Variants in STK35 observed in about 807,000 individuals in gnomAD.
The protein encoded by STK35 is serine/threonine kinase 35.
Under a neutral mutation model 37.3 loss-of-function variants are expected in STK35, and 17 were observed. That is an observed-to-expected ratio of 0.46 (90% CI 0.31 to 0.68). The LOEUF (loss-of-function observed/expected upper bound fraction) is 0.68. Among genes scored for constraint, STK35 ranks in the 30% least tolerant of loss-of-function variants. The pLI is 0.05. For missense variants in STK35, 595 were observed against 746.7 expected (o/e 0.80, Z 2.37); for synonymous variants, 385 against 319.1 (o/e 1.21, Z -2.20).
chr20:2,128,007 A>AC (rs1438796927), intron 3 of STK35, among the ~76,000 whole-genome samples: 4 of 151,650 alleles, frequency 2.6e-5, no homozygotes, highest in African/African-American at 4.9e-5. Flanking sequence ...ACTTGATCCC[A>AC]CCCCCCAACA....
chr20:2,118,511 G>A (rs1985759386), intron 3 of STK35, among the ~76,000 whole-genome samples: 3 of 152,150 alleles, frequency 2.0e-5, no homozygotes, highest in South Asian at 4.1e-4. Flanking sequence ...GAACCCGGGA[G>A]GCGGAGCTTG....
chr20:2,105,806 A>T (rs1985504823), intron 2 of STK35, among the ~76,000 whole-genome samples: 1 of 152,156 alleles, frequency 6.6e-6, no homozygotes, highest in Non-Finnish European at 1.5e-5. Context: ...TCATCATAGA[A>T]CACACCTTGT....
rs1434664357 is a variant in STK35 at position 2,102,857 on chromosome 20, C to T, written c.384C>T (p.Pro128=). Residue 128 remains proline, a synonymous_variant, in exon 2 of 4, where the codon CCC becomes CCT. Coordinates refer to ENST00000381482, the MANE Select transcript of STK35 (RefSeq NM_080836.4). ...CCCGGGCAGCGCCGTTGCTGCTCCC[C>T]CCGCCGCCCGCAGCCATGGAAACGG... ...GGARAAPLLL[P]PPPAAMETGK... 3 of 1,553,604 alleles carry T rather than the reference C, an allele frequency of 1.9e-6. No individual in the cohort carries two copies. Among genetic ancestry groups the T allele is most frequent in the Non-Finnish European group, 2.6e-6 (3 of 1,158,160 alleles).
At chr20:2,108,529 ATGGCTCCTCTT>A (rs548122856) in intron 2 of STK35, among the ~76,000 whole-genome samples, 39 of 152,182 alleles carry the variant, frequency 2.6e-4, no homozygotes, top group African/African-American at 9.2e-4. Flanking sequence ...AAAGAAACTA[ATGGCTCCTCTT>A]TGTTTTTAGT....
At chr20:2,122,350 T>C (rs1985833726) in intron 3 of STK35, among the ~76,000 whole-genome samples, 1 of 152,116 alleles carries the variant, frequency 6.6e-6, no homozygotes, top group South Asian at 2.1e-4. Context: ...AAAAAAACTC[T>C]AGTTGCATAA....
chr20:2,148,304 T>TA lies in STK35; in HGVS notation c.*4560dup, dbSNP rs1383899283. The TA allele has an allele frequency of 6.6e-6, 1 of 152,656 alleles. No individual in the cohort carries two copies. The highest frequency in any genetic ancestry group is 6.5e-5 in the Admixed American group (1 of 15,278). The allele number at this position is 152,656 out of a possible 1,614,324, so 9.5% of individuals were successfully genotyped here. On this transcript the variant is annotated 3_prime_UTR_variant, in exon 4 of 4. Coordinates refer to ENST00000381482, the MANE Select transcript of STK35 (RefSeq NM_080836.4). ...CACAAAGTTAGTTTCCAATACTAGT[T>TA]AATAAATCTATTTTTCTTCATTTCC...
At chr20:2,125,886 G>A (rs952445359) in intron 3 of STK35, among the ~76,000 whole-genome samples, 3 of 152,208 alleles carry the variant, frequency 2.0e-5, no homozygotes, top group Admixed American at 6.5e-5. Context: ...ACCGGCAGCT[G>A]GGAAAGCACC....
rs1986309481 is a variant in STK35, at chr20:2,148,327, T to C, written c.*4581T>C. The C allele has an allele frequency of 6.6e-6, 1 of 152,632 alleles. No individual in the cohort carries two copies. The highest frequency in any genetic ancestry group is 1.5e-5 in the Non-Finnish European group (1 of 68,034). The allele number at this position is 152,632 out of a possible 1,614,324, so 9.5% of individuals were successfully genotyped here. A position where few individuals can be genotyped will look rare whatever the true frequency, so the allele number is the denominator to read the frequency against. On this transcript the variant is annotated 3_prime_UTR_variant, in exon 4 of 4. Transcript: ENST00000381482. ...GTTAATAAATCTATTTTTCTTCATT[T>C]CCTTTTTTTGCACAGAAGCTGGTAA...
intron 2 of STK35, among the ~76,000 whole-genome samples, chr20:2,106,651 G>A (rs778967021): frequency 6.6e-6 from 1 of 152,216 alleles, no homozygotes; most frequent in Non-Finnish European, 1.5e-5. Flanking sequence ...GTGGATAGGC[G>A]AAGAGACAAA....
Position 2,144,565 on chromosome 20 carries a change from G to C in STK35, c.*819G>C, listed in dbSNP as rs1986227317. 2 of 152,828 alleles carry C rather than the reference G, an allele frequency of 1.3e-5. No homozygotes were observed. The highest frequency in any genetic ancestry group is 2.9e-5 in the Non-Finnish European group (2 of 68,132). The allele number at this position is 152,828 out of a possible 1,614,324, so 9.5% of individuals were successfully genotyped here. A position where few individuals can be genotyped will look rare whatever the true frequency, so the allele number is the denominator to read the frequency against. On this transcript the variant is annotated 3_prime_UTR_variant, in exon 4 of 4. Transcript: ENST00000381482. ...GGTGGAGGGCGACCATCTCGCTCTT[G>C]CTGGCGGTGGAGCAGCCATCCCTGC... is the stretch of plus-strand genomic sequence containing the variant.
Position 2,129,744 on chromosome 20 carries a change from G to T in STK35, c.*37+12329G>T, listed in dbSNP as rs367637296. On this transcript the variant is annotated intron_variant, in intron 3 of 3. Transcript: ENST00000381482. ...AGAAAATGAGGACCTGCCCAAGGCG[G>T]TCAGAGAAAGGCTCTCTGAGGAGGT... Among the ~76,000 whole-genome samples, 11 of 152,278 alleles carry T rather than the reference G, an allele frequency of 7.2e-5. No homozygotes were observed. The East Asian group carries it at 1.6e-3, about 21-fold the overall frequency.
intron 3 of STK35, among the ~76,000 whole-genome samples, chr20:2,131,037 A>G (rs1438947785): frequency 1.3e-5 from 2 of 152,156 alleles, no homozygotes; most frequent in East Asian, 1.9e-4. Flanking sequence ...TGCATTCACT[A>G]TATACTCATG....
At chr20:2,109,714 G>A (rs945081877) in intron 2 of STK35, among the ~76,000 whole-genome samples, 1 of 152,218 alleles carries the variant, frequency 6.6e-6, no homozygotes, top group Non-Finnish European at 1.5e-5. Flanking sequence ...TAGTGTCCAG[G>A]CACCATTCAA....
At chr20:2,124,055 C>A (rs1985864145) in intron 3 of STK35, among the ~76,000 whole-genome samples, 1 of 152,164 alleles carries the variant, frequency 6.6e-6, no homozygotes, top group Non-Finnish European at 1.5e-5. Flanking sequence ...AGCCTTGAAC[C>A]CAGGAGTCAG....
At chr20:2,125,231 A>G (rs931178934) in intron 3 of STK35, among the ~76,000 whole-genome samples, 5 of 152,114 alleles carry the variant, frequency 3.3e-5, no homozygotes, top group Non-Finnish European at 7.4e-5. Context: ...CTCTTACCCC[A>G]GGGACGCAGA....
chr20:2,137,550 C>G (rs888326009), intron 3 of STK35, among the ~76,000 whole-genome samples: 3 of 152,206 alleles, frequency 2.0e-5, no homozygotes, highest in African/African-American at 7.2e-5. Flanking sequence ...TCTTGCTCCT[C>G]TTTTTCCTAA....
At position 2,119,747 on chromosome 20, in the gene STK35, C is replaced by T. The variant is rs115973629; in HGVS notation, c.*37+2332C>T. Among the ~76,000 whole-genome samples, 1,319 of 152,312 alleles carry T rather than the reference C, an allele frequency of 8.7e-3. 20 individuals are homozygous for T. The highest frequency in any genetic ancestry group is 0.03 in the African/African-American group (1,230 of 41,552). On this transcript the variant is annotated intron_variant, in intron 3 of 3. Coordinates refer to ENST00000381482, the MANE Select transcript of STK35 (RefSeq NM_080836.4). Reference sequence around the variant, plus strand: ...AGGTGATGGAGCTAGTGCTGATCCTCCTGGTGGTCACAAGAAGCCTCAGGA... The same window carrying T: ...AGGTGATGGAGCTAGTGCTGATCCTTCTGGTGGTCACAAGAAGCCTCAGGA...
chr20:2,111,029 G>A (rs1454632401), intron 2 of STK35, among the ~76,000 whole-genome samples: 6 of 152,216 alleles, frequency 3.9e-5, no homozygotes, highest in Non-Finnish European at 8.8e-5. Flanking sequence ...AGAGAGGAAT[G>A]GCAGAGCACT....
rs1003814934 is a variant in STK35 at position 2,131,748 on chromosome 20, G to A, written c.*38-12036G>A. On this transcript the variant is annotated intron_variant, in intron 3 of 3. Coordinates refer to ENST00000381482, the MANE Select transcript of STK35 (RefSeq NM_080836.4). ...AAACACAAACATAAGACAGGGTCGC[G>A]CTCTGTCACCCAGGCTGGAGTGCAG... Among the ~76,000 whole-genome samples, 7 of 151,840 alleles carry A rather than the reference G, an allele frequency of 4.6e-5. No individual in the cohort carries two copies. In the East Asian group the frequency reaches 1.4e-3, roughly 30 times the overall value.
Sources: allele counts gnomAD v4.1 joint callset (sites outside exome capture counted in the v4.1 genomes callset), GRCh38; gene constraint gnomAD v4.1.1; transcripts MANE v1.5; gene names NCBI Gene and HGNC (gene_info 2026-07-23, HGNC 2026-07-21).